Variants in CTSB observed in about 807,000 individuals in gnomAD.
The protein encoded by CTSB is cathepsin B.
CTSB carries 57 observed loss-of-function variants against 44.3 expected under a neutral mutation model. The ratio of observed to expected loss-of-function variants is 1.29; its 90% CI spans 1.04 to 1.60. CTSB has a LOEUF of 1.60. CTSB is among the 40% of genes most tolerant of loss of function. CTSB has a pLI of 0.00. For missense variants in CTSB, 768 were observed against 443.0 expected (o/e 1.73, Z -6.59); for synonymous variants, 320 against 168.0 (o/e 1.91, Z -7.00).
chr8:11,848,211 A>C, intron 5 of CTSB, 59 bp from the exon 6 acceptor site: 1 of 1,478,310 alleles, frequency 6.8e-7, no homozygotes, highest in Non-Finnish European at 9.5e-7. Flanking sequence ...TCTCCAGACC[A>C]CTGTGTGCTA....
intron 1 of CTSB, among the ~76,000 whole-genome samples, chr8:11,857,513 T>C (rs974171341): frequency 6.6e-6 from 1 of 152,090 alleles, no homozygotes; most frequent in Admixed American, 6.6e-5. Flanking sequence ...ATAAGCCAAG[T>C]CGAGGATGGG....
At chr8:11,856,521 T>G (rs1022538881) in intron 1 of CTSB, among the ~76,000 whole-genome samples, 9 of 152,030 alleles carry the variant, frequency 5.9e-5, no homozygotes, top group African/African-American at 2.2e-4. Context: ...GCTGAGGCAG[T>G]AGAATCACTT....
At position 11,852,768 on chromosome 8, in the gene CTSB, A is replaced by G. The variant is rs374672771; in HGVS notation, c.127-73T>C. On this transcript the variant is annotated intron_variant, in intron 2 of 9. Coordinates refer to ENST00000353047, the MANE Select transcript of CTSB (RefSeq NM_001908.5). ...GGATGGGCACGCTGCCCACACACGA[A>G]GCCCAACCCAGGGAAAACCAGAGAC... 34 of 1,412,746 alleles carry G rather than the reference A, an allele frequency of 2.4e-5. 1 individual carries two copies. Among genetic ancestry groups the G allele is most frequent in the African/African-American group, 8.4e-5 (6 of 71,562 alleles). 87.5% of individuals were successfully genotyped at this position (1,412,746 alleles called of 1,614,324 possible). A position where few individuals can be genotyped will look rare whatever the true frequency, so the allele number is the denominator to read the frequency against.
intron 2 of CTSB, 55 bp downstream of exon 2, chr8:11,853,274 T>C: frequency 6.2e-7 from 1 of 1,600,258 alleles, no homozygotes; most frequent in Non-Finnish European, 8.5e-7. Flanking sequence ...CTGGAGTCAG[T>C]GTGCACAGAC....
intron 1 of CTSB, among the ~76,000 whole-genome samples, chr8:11,854,241 G>A (rs773604005): frequency 1.9e-4 from 29 of 152,146 alleles, no homozygotes; most frequent in Non-Finnish European, 3.1e-4. Flanking sequence ...GAGCCGCGGC[G>A]CGGGGAGCTG....
rs79480118 is a variant in CTSB at position 11,846,555 on chromosome 8, G to A, written c.793+497C>T. On this transcript the variant is annotated intron_variant, in intron 8 of 9. Transcript: ENST00000353047. ...AGATTCCTTGGTTGGAGTCCCTATG[G>A]CACTACCCAGGGCAAGGTCCTCCCT... Among the ~76,000 whole-genome samples the A allele has an allele frequency of 1.6e-3, 238 of 152,296 alleles. 10 individuals carry two copies. In the East Asian group the frequency reaches 0.04, roughly 25 times the overall value.
intron 1 of CTSB, among the ~76,000 whole-genome samples, chr8:11,864,722 G>C (rs538387321): frequency 2.0e-5 from 3 of 152,000 alleles, no homozygotes; most frequent in East Asian, 1.9e-4. Context: ...TTTGGGAGGC[G>C]AGGCGGGCAG....
At chr8:11,845,432 C>A (rs1563376608) in intron 9 of CTSB, among the ~76,000 whole-genome samples, 1 of 152,220 alleles carries the variant, frequency 6.6e-6, no homozygotes, top group African/African-American at 2.4e-5. Context: ...ATCACAGGAT[C>A]TGGCGCGATG....
intron 1 of CTSB, among the ~76,000 whole-genome samples, chr8:11,866,495 C>CT (rs1441390238): frequency 6.6e-6 from 1 of 152,250 alleles, no homozygotes; most frequent in African/African-American, 2.4e-5. Context: ...ACGTTTGACT[C>CT]TGTCTTTGGG....
chr8:11,845,250 A>C, intron 9 of CTSB, 28 bp from the exon 10 acceptor site: 9 of 1,540,592 alleles, frequency 5.8e-6, no homozygotes, highest in Non-Finnish European at 8.1e-6. Flanking sequence ...GGTGCTTTTA[A>C]AGTGTGACAA....
chr8:11,861,136 A>C (rs1027143767), intron 1 of CTSB, among the ~76,000 whole-genome samples: 39 of 152,218 alleles, frequency 2.6e-4, no homozygotes, highest in African/African-American at 8.9e-4. Context: ...ACAAAATCCA[A>C]AGGGCTCTCA....
At chr8:11,857,679 T>C (rs1815725275) in intron 1 of CTSB, among the ~76,000 whole-genome samples, 1 of 152,012 alleles carries the variant, frequency 6.6e-6, no homozygotes, top group Non-Finnish European at 1.5e-5. Context: ...CCCTCGCCAC[T>C]TCACTAGCAG....
chr8:11,853,792 T>G (rs934650696), intron 1 of CTSB: 7 of 235,676 alleles, frequency 3.0e-5, no homozygotes, highest in Admixed American at 1.0e-4. Flanking sequence ...GTAGAACAGC[T>G]TGAGACACTT....
At position 11,847,839 on chromosome 8, in the gene CTSB, G is replaced by C; in HGVS notation, c.533-17C>G. 1 of 1,564,512 alleles carries C rather than the reference G, an allele frequency of 6.4e-7. No homozygotes were observed. Among genetic ancestry groups the C allele is most frequent in the Non-Finnish European group, 8.6e-7 (1 of 1,162,394 alleles). ...GTCTGCACCCTGATGGGACGCGGGA[G>C]AAAGCGGAGTCAACCTACAGCCCCC... On this transcript the variant is annotated splice_polypyrimidine_tract_variant and intron_variant, in intron 6 of 9. Transcript: ENST00000353047.
intron 1 of CTSB, among the ~76,000 whole-genome samples, chr8:11,860,901 G>A (rs926552344): frequency 1.3e-5 from 2 of 152,206 alleles, no homozygotes; most frequent in Non-Finnish European, 2.9e-5. Context: ...ACTTCGGCGA[G>A]TTTCATCTTC....
At chr8:11,848,992 G>T in intron 5 of CTSB, 54 bp downstream of exon 5, 1 of 1,354,668 alleles carries the variant, frequency 7.4e-7, no homozygotes. Flanking sequence ...CTGAGAAGCT[G>T]GGGCCCAGGG....
chr8:11,847,896 T>G, intron 6 of CTSB, 74 bp from the exon 7 acceptor site: 5 of 1,510,566 alleles, frequency 3.3e-6, no homozygotes, highest in Non-Finnish European at 4.5e-6. Context: ...GCAAGCCTCG[T>G]GCCTGCAGCA....
At chr8:11,850,419 C>CAAAAAAAAAA (rs61067792) in intron 4 of CTSB, among the ~76,000 whole-genome samples, 10 of 53,660 alleles carry the variant, frequency 1.9e-4, no homozygotes, top group African/African-American at 6.3e-4. Flanking sequence ...ACTCCATCTC[C>CAAAAAAAAAA]AAAAAAAAAA....
chr8:11,860,534 C>G (rs917844749), intron 1 of CTSB, among the ~76,000 whole-genome samples: 3 of 151,866 alleles, frequency 2.0e-5, no homozygotes, highest in African/African-American at 7.3e-5. Flanking sequence ...TGAAGCAGGA[C>G]AATTGCTTGA....
Sources: allele counts gnomAD v4.1 joint callset (sites outside exome capture counted in the v4.1 genomes callset), GRCh38; gene constraint gnomAD v4.1.1; transcripts MANE v1.5; gene names NCBI Gene and HGNC (gene_info 2026-07-23, HGNC 2026-07-21).